The following GRID2IP variants were observed in gnomAD, a reference collection of about 807,000 sequenced individuals.
The protein encoded by GRID2IP is Grid2 interacting protein, also known as delphilin.
GRID2IP carries 78 observed loss-of-function variants against 114.3 expected under a neutral mutation model. That is an observed-to-expected ratio of 0.68 (90% confidence interval 0.57 to 0.82). GRID2IP has a LOEUF of 0.82. Among genes scored for constraint, GRID2IP ranks in the 40% least tolerant of loss-of-function variants. GRID2IP has a pLI of 0.00. For missense variants in GRID2IP, 1,727 were observed against 1,678.5 expected, an observed-to-expected ratio of 1.03 and a Z score of -0.51; for synonymous variants, 809 against 724.0, an observed-to-expected ratio of 1.12 and a Z score of -1.89.
rs1287988255 is a variant in GRID2IP, at chr7:6,508,710, T to C, written c.2127+248A>G. Among the ~76,000 whole-genome samples, 2 of 152,116 alleles carry C rather than the reference T, an allele frequency of 1.3e-5. No homozygotes were observed. The highest frequency in any genetic ancestry group is 4.8e-5 in the African/African-American group (2 of 41,434). On this transcript the variant is annotated intron_variant, in intron 12 of 21. Coordinates refer to ENST00000457091, the MANE Select transcript of GRID2IP (RefSeq NM_001145118.2). The surrounding 1 kb of genome is among the most constrained non-coding windows in gnomAD (Gnocchi z 5.6). ...GCCTCAGGCTGTGAGTGGGATAGCC[T>C]GAGCTAAGGAATGGGCTAACCTGCG...
chr7:6,543,164 G>A lies in GRID2IP; in HGVS notation c.430-3292C>T, dbSNP rs192468872. 1.7e-3 allele frequency among the ~76,000 whole-genome samples: 258 copies of A among 152,298 alleles called. 3 individuals carry two copies. Among genetic ancestry groups the A allele is most frequent in the East Asian group, 2.1e-3 (11 of 5,180 alleles). On this transcript the variant is annotated intron_variant, in intron 1 of 21. Coordinates refer to ENST00000457091, the MANE Select transcript of GRID2IP (RefSeq NM_001145118.2). ...CATCCCAGCACTTTGGGAGGCGAAG[G>A]TGGGTGGATCATCTGAAGTTAGGAG...
rs1241061593 is a variant in GRID2IP, at chr7:6,507,023, G to C, written c.2544+962C>G. Among the ~76,000 whole-genome samples, 1 of 152,100 alleles carries C rather than the reference G, an allele frequency of 6.6e-6. No individual in the cohort carries two copies. The highest frequency in any genetic ancestry group is 1.5e-5 in the Non-Finnish European group (1 of 68,016). ...ATTAGCAACTTGGAAAGGGTCCCTG[G>C]AGATGTGGGCTGAGAAAGCAGGAGA... On this transcript the variant is annotated intron_variant, in intron 13 of 21. Transcript: ENST00000457091. This position sits in a 1 kb window ranked among gnomAD's most constrained non-coding sequence, Gnocchi z 5.3.
chr7:6,524,791 A>G (rs896451792), intron 4 of GRID2IP, among the ~76,000 whole-genome samples: 2 of 151,488 alleles, frequency 1.3e-5, no homozygotes, highest in African/African-American at 4.8e-5. Flanking sequence ...ATCTCAGCTC[A>G]CTGCAAGCTC....
chr7:6,519,426 G>C lies in GRID2IP; in HGVS notation c.1268+1152C>G, dbSNP rs1779371130. Among the ~76,000 whole-genome samples the C allele has an allele frequency of 1.3e-5, 2 of 151,950 alleles. No homozygotes were observed. Among genetic ancestry groups the C allele is most frequent in the Non-Finnish European group, 1.5e-5 (1 of 67,980 alleles). ...AGCCCAAGAGTTCGAGACCAGCCTG[G>C]GTAACATAGTGAGACCTCCCCATCT... On this transcript the variant is annotated intron_variant, in intron 7 of 21. Transcript: ENST00000457091. The surrounding 1 kb of genome is among the most constrained non-coding windows in gnomAD (Gnocchi z 4.1).
Position 6,501,843 on chromosome 7 carries a change from T to C in GRID2IP, c.3337A>G (p.Ile1113Val), listed in dbSNP as rs1786424555. Residue 1113 changes from isoleucine to valine, a missense_variant, in exon 20 of 22, where the codon ATA becomes GTA. Physicochemically the swap from Ile to Val is conservative, Grantham distance 29. Transcript: ENST00000457091. ...LADLHGTISE[I>V]QDACQSISPS... ...GAAATGCTCTGGCAGGCATCCTGTA[T>C]CTCGCTGATAGTGCCATGGAGGTCA... 2 of 1,551,560 alleles carry C rather than the reference T, an allele frequency of 1.3e-6. No homozygotes were observed. The highest frequency in any genetic ancestry group is 1.7e-6 in the Non-Finnish European group (2 of 1,146,986).
intron 1 of GRID2IP, among the ~76,000 whole-genome samples, chr7:6,548,217 G>A (rs568569169): frequency 6.6e-6 from 1 of 152,122 alleles, no homozygotes; most frequent in Non-Finnish European, 1.5e-5. Flanking sequence ...GCCAGGCATG[G>A]TGGTGGGGGC....
chr7:6,542,350 G>C (rs1166449551), intron 1 of GRID2IP, among the ~76,000 whole-genome samples: 2 of 151,540 alleles, frequency 1.3e-5, no homozygotes, highest in African/African-American at 4.9e-5. Context: ...CCCAAAGTAG[G>C]TGGGAGGCAA....
chr7:6,510,838 C>A, intron 9 of GRID2IP, 70 bp downstream of exon 9: 1 of 1,505,188 alleles, frequency 6.6e-7, no homozygotes. Context: ...GATTCCCCAC[C>A]TCACCAAGCC....
intron 8 of GRID2IP, among the ~76,000 whole-genome samples, chr7:6,511,458 C>T (rs1039598485): frequency 2.0e-4 from 30 of 152,208 alleles, no homozygotes; most frequent in Middle Eastern, 3.4e-3. Context: ...CTGCAACCTC[C>T]ACCTCCCAGG....
chr7:6,546,163 T>C (rs1438329758), intron 1 of GRID2IP, among the ~76,000 whole-genome samples: 2 of 151,528 alleles, frequency 1.3e-5, no homozygotes, highest in Non-Finnish European at 2.9e-5. Flanking sequence ...GGGCTGGTGA[T>C]TGAAAACCAA....
At position 6,516,701 on chromosome 7, in the gene GRID2IP, G is replaced by A. The variant is rs1488505906; in HGVS notation, c.1269-2172C>T. On this transcript the variant is annotated intron_variant, in intron 7 of 21. Coordinates refer to ENST00000457091, the MANE Select transcript of GRID2IP (RefSeq NM_001145118.2). The surrounding 1 kb of genome is among the most constrained non-coding windows in gnomAD (Gnocchi z 4.3). ...GCTTCAGTGGTCACGCTCCTGGTCC[G>A]CATTCATGTTCTGCCCTGTGCACTC... Among the ~76,000 whole-genome samples the A allele has an allele frequency of 1.3e-5, 2 of 152,180 alleles. No homozygotes were observed. Among genetic ancestry groups the A allele is most frequent in the East Asian group, 1.9e-4 (1 of 5,200 alleles).
At chr7:6,540,101 C>T (rs1192761310) in intron 1 of GRID2IP, among the ~76,000 whole-genome samples, 1 of 144,992 alleles carries the variant, frequency 6.9e-6, no homozygotes, top group Non-Finnish European at 1.5e-5. Flanking sequence ...CCCCTCCCCT[C>T]CCCTCCCCTC....
At position 6,534,955 on chromosome 7, in the gene GRID2IP, G is replaced by A. The variant is rs1255936889; in HGVS notation, c.584+4763C>T. On this transcript the variant is annotated intron_variant, in intron 2 of 21. Coordinates refer to ENST00000457091, the MANE Select transcript of GRID2IP (RefSeq NM_001145118.2). This position sits in a 1 kb window ranked among gnomAD's most constrained non-coding sequence, Gnocchi z 4.5. ...GGCTGGAGTGCAATGGCACGATCTC[G>A]GCTCACTGCAATCTCCGCCTCCCAG... is the stretch of plus-strand genomic sequence containing the variant. Among the ~76,000 whole-genome samples, 4 of 152,106 alleles carry A rather than the reference G, an allele frequency of 2.6e-5. No homozygotes were observed. The highest frequency in any genetic ancestry group is 4.4e-5 in the Non-Finnish European group (3 of 68,026).
In GRID2IP at chr7:6,536,733, A is replaced by G. The variant is rs1415939421; in HGVS notation, c.584+2985T>C. ...AGCTCCCCAGGAAGCGCTCAGAGCCAGCGCATCATCTCCGCGGCAAATTCG... is the reference window on the plus strand; with the variant it reads ...AGCTCCCCAGGAAGCGCTCAGAGCCGGCGCATCATCTCCGCGGCAAATTCG... On this transcript the variant is annotated intron_variant, in intron 2 of 21. Transcript: ENST00000457091. This position sits in a 1 kb window ranked among gnomAD's most constrained non-coding sequence, Gnocchi z 5.3. 2 of 692,460 alleles carry G rather than the reference A, an allele frequency of 2.9e-6. No individual in the cohort carries two copies. The highest frequency in any genetic ancestry group is 5.3e-6 in the Non-Finnish European group (2 of 378,338). 42.9% of individuals were successfully genotyped at this position (692,460 alleles called of 1,614,324 possible). A position where few individuals can be genotyped will look rare whatever the true frequency, so the allele number is the denominator to read the frequency against.
Position 6,503,174 on chromosome 7 carries a change from G to A in GRID2IP, c.2908-11C>T, listed in dbSNP as rs1035081413. ...GGGAACTGACAGCATCTGCCTCGAA[G>A]GCAGAGCCAGGATTCACCCATCCCC... On this transcript the variant is annotated splice_polypyrimidine_tract_variant and intron_variant, in intron 16 of 21. Transcript: ENST00000457091. The A allele has an allele frequency of 1.5e-5, 23 of 1,504,222 alleles. No individual in the cohort carries two copies. The highest frequency in any genetic ancestry group is 1.1e-4 in the Admixed American group (5 of 46,492). The allele number at this position is 1,504,222 out of a possible 1,614,324, so 93.2% of individuals were successfully genotyped here.
intron 1 of GRID2IP, among the ~76,000 whole-genome samples, chr7:6,549,599 T>G (rs1317529420): frequency 1.3e-5 from 2 of 152,030 alleles, no homozygotes; most frequent in African/African-American, 2.4e-5. Context: ...ACAGGCGGAA[T>G]TCTTTTACAT....
chr7:6,503,599 A>T lies in GRID2IP; in HGVS notation c.2799T>A (p.His933Gln), dbSNP rs1016991126. Residue 933 changes from histidine (H) to glutamine (Q), a missense_variant, in exon 16 of 22, where the codon CAT becomes CAA. Physicochemically the swap from His to Gln is conservative, Grantham distance 24 (BLOSUM62 0). Coordinates refer to ENST00000457091, the MANE Select transcript of GRID2IP (RefSeq NM_001145118.2). ...GCGCGAAGAGCAGCAGCTGCGCGAG[A>T]TGTGCGGGCTCCAGGCGCCGGGGCT... ...SMEPRRLEPA[H>Q]LAQLLLFAPD... 5.2e-6 allele frequency: 8 copies of T among 1,529,008 alleles called. No homozygotes were observed. The highest frequency in any genetic ancestry group is 6.1e-6 in the Non-Finnish European group (7 of 1,144,392). 94.7% of individuals were successfully genotyped at this position (1,529,008 alleles called of 1,614,324 possible).
In GRID2IP at chr7:6,551,063, C is replaced by T. The variant is rs1416014822; in HGVS notation, c.374G>A (p.Arg125His). Residue 125 changes from arginine to histidine, a missense_variant, in exon 1 of 22, where the codon CGC (arginine) becomes CAC (histidine). Arg to His is a conservative substitution (Grantham distance 29). Transcript: ENST00000457091. ...GCGCTCTCGGTGCACCGCGTCCGGG[C>T]GCTTGCGGCCGGCCAGGCGAAGCAG... is the stretch of plus-strand genomic sequence containing the variant. ...RELLRLAGRK[R>H]PDAVHRERRR... 2 of 1,311,180 alleles carry T rather than the reference C, an allele frequency of 1.5e-6. No homozygotes were observed. Among genetic ancestry groups the T allele is most frequent in the Non-Finnish European group, 1.9e-6 (2 of 1,034,066 alleles). The allele number at this position is 1,311,180 out of a possible 1,614,324, so 81.2% of individuals were successfully genotyped here.
In GRID2IP at chr7:6,516,231, G is replaced by A. The variant is rs974993211; in HGVS notation, c.1269-1702C>T. Among the ~76,000 whole-genome samples the A allele has an allele frequency of 2.0e-5, 3 of 151,648 alleles. No individual in the cohort carries two copies. Among genetic ancestry groups the A allele is most frequent in the African/African-American group, 7.3e-5 (3 of 41,314 alleles). On this transcript the variant is annotated intron_variant, in intron 7 of 21. Transcript: ENST00000457091. The surrounding 1 kb of genome is among the most constrained non-coding windows in gnomAD (Gnocchi z 4.3). Reference sequence around the variant, plus strand: ...GGGCGGCAAGCCACCCAGATGCCAAGGCAAGAGACCGAGGGCACAAGCTGT... The same window carrying A: ...GGGCGGCAAGCCACCCAGATGCCAAAGCAAGAGACCGAGGGCACAAGCTGT...
Sources: gnomAD v4.1 joint callset for allele counts (sites outside exome capture counted in the v4.1 genomes callset) on GRCh38, gnomAD v4.1.1 for gene constraint, Gnocchi (gnomAD v3.1) non-coding constraint, MANE v1.5 for transcripts, NCBI Gene and HGNC (gene_info 2026-07-23, HGNC 2026-07-21) for gene names.